Variants in COL20A1 observed in about 807,000 individuals in gnomAD.
The protein encoded by COL20A1 is collagen alpha-1(XX) chain.
A neutral mutation model predicts 152.9 loss-of-function variants in COL20A1; 164 were observed. The ratio of observed to expected loss-of-function variants is 1.07; its 90% CI spans 0.94 to 1.22. The LOEUF (loss-of-function observed/expected upper bound fraction) is 1.22. Among genes scored for constraint, COL20A1 ranks in the 50% most tolerant of loss-of-function variants. The pLI is 0.00. For missense variants in COL20A1, 1,873 were observed against 1,744.8 expected (o/e 1.07, Z -1.31); for synonymous variants, 864 against 756.0 (o/e 1.14, Z -2.34).
chr20:63,302,882 A>G (rs1240511604), intron 3 of COL20A1, among the ~76,000 whole-genome samples: 1 of 152,162 alleles, frequency 6.6e-6, no homozygotes, highest in Non-Finnish European at 1.5e-5. Context: ...ACTGGCAGTT[A>G]CATCCTGGAA....
At chr20:63,316,439 TC>T (rs1416240793) in intron 20 of COL20A1, 113 bp from the exon 21 acceptor site, 2 of 131,602 alleles carry the variant, frequency 1.5e-5, no homozygotes, top group African/African-American at 1.0e-4. Context: ...CACCCCTCCC[TC>T]CCACCGCACT....
At position 63,319,334 on chromosome 20, in the gene COL20A1, G is replaced by A. The variant is rs772804969; in HGVS notation, c.2806+134G>A. 1.1e-4 allele frequency: 122 copies of A among 1,141,582 alleles called. No homozygotes were observed. The highest frequency in any genetic ancestry group is 1.5e-4 in the Non-Finnish European group (119 of 811,856). The allele number at this position is 1,141,582 out of a possible 1,614,324, so 70.7% of individuals were successfully genotyped here. On this transcript the variant is annotated intron_variant, in intron 22 of 35. Transcript: ENST00000358894. The surrounding 1 kb of genome is among the most constrained non-coding windows in gnomAD (Gnocchi z 4.4). Reference sequence around the variant, plus strand: ...AGCACCCTCTGGGTGGGAGGCAGGTGTCCCGGGCAGGGGGCTGTGGGCCAC... The same window carrying A: ...AGCACCCTCTGGGTGGGAGGCAGGTATCCCGGGCAGGGGGCTGTGGGCCAC...
At chr20:63,322,405 AGGCTTG>A (rs2068177456) in intron 27 of COL20A1, among the ~76,000 whole-genome samples, 1 of 152,134 alleles carries the variant, frequency 6.6e-6, no homozygotes, top group South Asian at 2.1e-4. Flanking sequence ...GGGGAATCTG[AGGCTTG>A]GGGAGGTGAG....
intron 27 of COL20A1, 51 bp from the exon 28 acceptor site, chr20:63,325,390 C>T (rs1416574876): frequency 2.8e-6 from 4 of 1,409,724 alleles, no homozygotes; most frequent in Non-Finnish European, 4.0e-6. Context: ...TCCCTGCCCT[C>T]CTGCCCTGTG....
intron 6 of COL20A1, 87 bp downstream of exon 6, chr20:63,307,735 C>T (rs2067946249): frequency 6.9e-7 from 1 of 1,446,264 alleles, no homozygotes; most frequent in Non-Finnish European, 9.4e-7. Context: ...GTGGGGGTCC[C>T]CGTACCAGCC....
At chr20:63,295,978 C>T (rs1394592685) in intron 2 of COL20A1, among the ~76,000 whole-genome samples, 1 of 152,282 alleles carries the variant, frequency 6.6e-6, no homozygotes, top group Non-Finnish European at 1.5e-5. Flanking sequence ...GGCAGCTCCC[C>T]CTTCTACTGT....
intron 1 of COL20A1, among the ~76,000 whole-genome samples, chr20:63,293,604 G>T (rs1415871121): frequency 6.6e-6 from 1 of 152,110 alleles, no homozygotes; most frequent in African/African-American, 2.4e-5. Context: ...CCCTGGCAGG[G>T]GTCCCACTGA....
Position 63,308,077 on chromosome 20 carries a change from GA to G in COL20A1, c.764del (p.Asn255ThrfsTer8). 1 of 1,610,466 alleles carries G rather than the reference GA, an allele frequency of 6.2e-7. No homozygotes were observed. The highest frequency in any genetic ancestry group is 8.5e-7 in the Non-Finnish European group (1 of 1,179,750). On this transcript the variant is annotated frameshift_variant, in exon 7 of 36. Transcript: ENST00000358894. LOFTEE classifies it high-confidence loss of function. ...TGCGCCGCCTCCGCTACAAGGGGGG[GA>G]ACACGTTCACAGGTACGGCCCAGGC... ...AVRRLRYKGG[N>X]TFTGLALTHV...
rs989164654 is a variant in COL20A1 at position 63,331,378 on chromosome 20, A to G, written c.*662A>G. 6.6e-6 allele frequency: 1 copy of G among 151,962 alleles called. No individual in the cohort carries two copies. Among genetic ancestry groups the G allele is most frequent in the Non-Finnish European group, 1.5e-5 (1 of 68,050 alleles). The allele number at this position is 151,962 out of a possible 1,614,324, so 9.4% of individuals were successfully genotyped here. On this transcript the variant is annotated 3_prime_UTR_variant, in exon 36 of 36. Coordinates refer to ENST00000358894, the MANE Select transcript of COL20A1 (RefSeq NM_020882.4). ...GTTCAGATCCTGTGTGTGAATGGCC[A>G]CCCCTCACCCACCCAGCCCTGTGCT...
intron 8 of COL20A1, among the ~76,000 whole-genome samples, 199 bp downstream of exon 8, chr20:63,308,905 T>G (rs975392273): frequency 2.0e-5 from 3 of 152,134 alleles, no homozygotes; most frequent in African/African-American, 7.2e-5. Context: ...AATCGCCTGG[T>G]GTTTGGTGCC....
rs56352802 is a variant in COL20A1, at chr20:63,333,276, A to G, written c.*2560A>G. ...GCTCATGGCCTTAGGTGCTGCCCCC[A>G]GTCACCCCCGTGCCCATGCAGCCGG... is the stretch of plus-strand genomic sequence containing the variant. On this transcript the variant is annotated 3_prime_UTR_variant, in exon 36 of 36. Coordinates refer to ENST00000358894, the MANE Select transcript of COL20A1 (RefSeq NM_020882.4). 6,860 of 152,556 alleles carry G rather than the reference A, an allele frequency of 0.045. 213 individuals are homozygous for G. Among genetic ancestry groups the G allele is most frequent in the South Asian group, 0.08 (385 of 4,826 alleles). The allele number at this position is 152,556 out of a possible 1,614,324, so 9.5% of individuals were successfully genotyped here.
chr20:63,325,145 G>A (rs1601439772), intron 27 of COL20A1: 3 of 554,438 alleles, frequency 5.4e-6, no homozygotes, highest in East Asian at 3.4e-5. Flanking sequence ...TAATGGAGGT[G>A]TCTCCATGTC....
intron 25 of COL20A1, 61 bp from the exon 26 acceptor site, chr20:63,320,952 T>C: frequency 7.7e-7 from 1 of 1,306,596 alleles, no homozygotes; most frequent in Non-Finnish European, 1.1e-6. Context: ...ATCTCAGCTC[T>C]AGGGTCAGGC....
intron 25 of COL20A1, among the ~76,000 whole-genome samples, chr20:63,320,810 C>A (rs531416490): frequency 3.0e-4 from 46 of 152,262 alleles, no homozygotes; most frequent in Non-Finnish European, 5.3e-4. Context: ...GAACCCAGGG[C>A]CGGCTGGACA....
Position 63,311,442 on chromosome 20 carries a change from G to T in COL20A1, c.1442G>T (p.Arg481Ile). Residue 481 changes from arginine to isoleucine, a missense_variant, in exon 12 of 36, where the codon AGA (arginine) becomes ATA (isoleucine). Physicochemically the swap from Arg to Ile is moderately conservative, Grantham distance 97 (BLOSUM62 -3). Coordinates refer to ENST00000358894, the MANE Select transcript of COL20A1 (RefSeq NM_020882.4). This position sits in a 1 kb window ranked among gnomAD's most constrained non-coding sequence, Gnocchi z 4.4. The part of the protein sequence containing the change: ...RALTLAAVTP[R>I]TVHLTWQPSA... ...CTGACCCTGGCCGCAGTGACGCCCA[G>T]AACCGTCCACCTCACCTGGCAGCCC... 1 of 1,574,528 alleles carries T rather than the reference G, an allele frequency of 6.4e-7. No homozygotes were observed.
chr20:63,326,627 G>A, intron 30 of COL20A1, 125 bp from the exon 31 acceptor site: 2 of 600,932 alleles, frequency 3.3e-6, no homozygotes, highest in Non-Finnish European at 2.8e-6. Context: ...AGGAGGCTGG[G>A]GCCAGCCAGG....
chr20:63,320,271 C>T lies in COL20A1; in HGVS notation c.3076-20C>T. 6.2e-7 allele frequency: 1 copy of T among 1,607,768 alleles called. No homozygotes were observed. The highest frequency in any genetic ancestry group is 8.5e-7 in the Non-Finnish European group (1 of 1,179,640). The stretch of plus-strand genomic sequence containing the variant: ...AGCCTCTCTGAGCCCCGGGGCTGAG[C>T]CGGCTCCCCTGCGTTGCAGTTTCAG... On this transcript the variant is annotated intron_variant, in intron 24 of 35. Coordinates refer to ENST00000358894, the MANE Select transcript of COL20A1 (RefSeq NM_020882.4).
chr20:63,324,085 C>T (rs7360693), intron 27 of COL20A1, among the ~76,000 whole-genome samples: 4 of 152,204 alleles, frequency 2.6e-5, no homozygotes, highest in Non-Finnish European at 4.4e-5. Context: ...TTCATCCCTA[C>T]GTATGTCCTC....
Position 63,308,624 on chromosome 20 carries a change from G to A in COL20A1, c.858G>A (p.Leu286=). 6.2e-7 allele frequency: 1 copy of A among 1,606,454 alleles called. No homozygotes were observed. The highest frequency in any genetic ancestry group is 8.5e-7 in the Non-Finnish European group (1 of 1,177,210). The change falls in exon 8 of 36, where the codon CTG becomes CTA. Residue 286 remains leucine, a synonymous_variant. Coordinates refer to ENST00000358894, the MANE Select transcript of COL20A1 (RefSeq NM_020882.4). ...CAGAGGCAGCCAAGGTGGTGATTCT[G>A]GTGACGGACGGCAAGTCCCAGGACG... ...LRPEAAKVVI[L]VTDGKSQDDV...
Sources: gnomAD v4.1 joint callset for allele counts (sites outside exome capture counted in the v4.1 genomes callset) on GRCh38, gnomAD v4.1.1 for gene constraint, Gnocchi (gnomAD v3.1) non-coding constraint, MANE v1.5 for transcripts, NCBI Gene and HGNC (gene_info 2026-07-23, HGNC 2026-07-21) for gene names.